The following SNTG2 variants were observed in gnomAD, a reference collection of about 807,000 sequenced individuals.
SNTG2 encodes syntrophin gamma 2, also known as gamma-2-syntrophin.
A neutral mutation model predicts 70.9 loss-of-function variants in SNTG2; 74 were observed. That is an observed-to-expected ratio of 1.04 (90% CI 0.86 to 1.27). SNTG2 has a LOEUF of 1.27. Ranked by LOEUF, SNTG2 falls within the 50% of genes most tolerant of loss-of-function variation. SNTG2 has a pLI of 0.00. For synonymous variants in SNTG2, 278 were observed against 273.8 expected, an observed-to-expected ratio of 1.02 and a Z score of -0.15; for missense variants, 717 against 690.7, an observed-to-expected ratio of 1.04 and a Z score of -0.43.
intron 9 of SNTG2, among the ~76,000 whole-genome samples, chr2:1,215,382 G>A (rs1674311204): frequency 6.6e-6 from 1 of 152,068 alleles, no homozygotes; most frequent in Admixed American, 6.5e-5. Flanking sequence ...TTTCTTTGAT[G>A]AAAGATTTAT....
At chr2:1,191,397 G>A (rs182792749) in intron 8 of SNTG2, among the ~76,000 whole-genome samples, 149 of 152,188 alleles carry the variant, frequency 9.8e-4, no homozygotes, top group Middle Eastern at 3.4e-3. Flanking sequence ...TATCAAAAAC[G>A]GGAGCCACCA....
chr2:1,138,556 T>G (rs1258643857), intron 6 of SNTG2, among the ~76,000 whole-genome samples: 3 of 150,476 alleles, frequency 2.0e-5, no homozygotes, highest in Non-Finnish European at 3.0e-5. Context: ...AGAGATGAGG[T>G]GGAGGGCGAA....
At chr2:1,011,724 A>G (rs1311637964) in intron 1 of SNTG2, among the ~76,000 whole-genome samples, 1 of 152,178 alleles carries the variant, frequency 6.6e-6, no homozygotes, top group East Asian at 1.9e-4. Context: ...AGGTCTGAAA[A>G]TCTGGTAGTA....
intron 8 of SNTG2, among the ~76,000 whole-genome samples, chr2:1,194,402 C>T (rs1672778932): frequency 6.6e-6 from 1 of 152,196 alleles, no homozygotes; most frequent in South Asian, 2.1e-4. Context: ...CATATATTTA[C>T]ACATTTAAAG....
chr2:1,169,830 C>T (rs1286439298), intron 7 of SNTG2, among the ~76,000 whole-genome samples: 1 of 152,182 alleles, frequency 6.6e-6, no homozygotes, highest in Non-Finnish European at 1.5e-5. Flanking sequence ...GTGCAGATCA[C>T]AGAGGCCAGG....
At chr2:1,006,160 G>T (rs1258328183) in intron 1 of SNTG2, among the ~76,000 whole-genome samples, 2 of 127,276 alleles carry the variant, frequency 1.6e-5, no homozygotes, top group Non-Finnish European at 3.2e-5. Flanking sequence ...ACACTCTGGG[G>T]ACTGTGGTGG....
chr2:1,283,770 G>T (rs1389274316), intron 14 of SNTG2, among the ~76,000 whole-genome samples: 2 of 152,184 alleles, frequency 1.3e-5, no homozygotes, highest in Non-Finnish European at 2.9e-5. Context: ...TCCTGCTCCT[G>T]CAGAAGCTCA....
chr2:1,197,373 AAAG>A lies in SNTG2; in HGVS notation c.592-11725_592-11723del, dbSNP rs201328827. On this transcript the variant is annotated intron_variant, in intron 8 of 16. Coordinates refer to ENST00000308624, the MANE Select transcript of SNTG2 (RefSeq NM_018968.4). Reference sequence around the variant, plus strand: ...TAAGTCAAAAACAAAAAAAAGACACAAAGAAGATCTTTATAAAATGATAAAAGG... The same window carrying A: ...TAAGTCAAAAACAAAAAAAAGACACAAAGATCTTTATAAAATGATAAAAGG... Among the ~76,000 whole-genome samples the A allele has an allele frequency of 8.4e-3, 1,276 of 151,062 alleles. 26 individuals are homozygous for A. The highest frequency in any genetic ancestry group is 0.029 in the African/African-American group (1,201 of 41,252).
At chr2:1,197,407 T>G (rs991432376) in intron 8 of SNTG2, among the ~76,000 whole-genome samples, 3 of 150,142 alleles carry the variant, frequency 2.0e-5, no homozygotes, top group African/African-American at 7.4e-5. Context: ...AAAGGATCAA[T>G]TCATCAAAAG....
intron 8 of SNTG2, among the ~76,000 whole-genome samples, chr2:1,201,671 A>T (rs539751708): frequency 6.0e-4 from 91 of 152,110 alleles, no homozygotes; most frequent in Non-Finnish European, 1.0e-3. Flanking sequence ...TGGATTTTTA[A>T]TACCTTGTTT....
intron 1 of SNTG2, among the ~76,000 whole-genome samples, chr2:1,026,373 G>C (rs1434861478): frequency 1.3e-5 from 2 of 152,140 alleles, no homozygotes; most frequent in Admixed American, 6.5e-5. Context: ...TGCAGTTTTT[G>C]GCATTAATTC....
intron 1 of SNTG2, among the ~76,000 whole-genome samples, chr2:963,412 T>C (rs1033101980): frequency 6.6e-6 from 1 of 152,184 alleles, no homozygotes; most frequent in African/African-American, 2.4e-5. Flanking sequence ...TTCTAAACAT[T>C]AGTTCTTCTG....
intron 9 of SNTG2, among the ~76,000 whole-genome samples, chr2:1,227,091 ATT>A (rs1335829271): frequency 1.3e-5 from 2 of 152,252 alleles, no homozygotes; most frequent in Non-Finnish European, 2.9e-5. Flanking sequence ...CCAACTGTGT[ATT>A]TTAAATCAGT....
At chr2:1,096,480 C>T (rs941343520) in intron 2 of SNTG2, among the ~76,000 whole-genome samples, 3 of 152,084 alleles carry the variant, frequency 2.0e-5, no homozygotes, top group African/African-American at 7.2e-5. Context: ...CCTGCACCTC[C>T]GCCCCCCAAC....
chr2:1,129,184 C>T (rs1369678783), intron 4 of SNTG2, among the ~76,000 whole-genome samples: 2 of 152,292 alleles, frequency 1.3e-5, no homozygotes, highest in Non-Finnish European at 1.5e-5. Flanking sequence ...TTTTCTAAGT[C>T]TTCTAACAAA....
chr2:1,197,661 A>G (rs1572703278), intron 8 of SNTG2, among the ~76,000 whole-genome samples: 1 of 151,646 alleles, frequency 6.6e-6, no homozygotes, highest in South Asian at 2.1e-4. Flanking sequence ...CCTCCTCCCA[A>G]GTATCTGGGA....
At chr2:1,144,756 A>G (rs1230464726) in intron 6 of SNTG2, among the ~76,000 whole-genome samples, 2 of 152,208 alleles carry the variant, frequency 1.3e-5, no homozygotes, top group East Asian at 3.9e-4. Flanking sequence ...GGAAACTGCC[A>G]CCATGATTCA....
At chr2:980,926 C>T (rs1661077554) in intron 1 of SNTG2, among the ~76,000 whole-genome samples, 1 of 152,152 alleles carries the variant, frequency 6.6e-6, no homozygotes, top group South Asian at 2.1e-4. Context: ...ATCATCATGA[C>T]AGCCCAATTA....
rs561536362 is a variant in SNTG2 at position 1,080,154 on chromosome 2, A to C, written c.73-3364A>C. 3.3e-5 allele frequency among the ~76,000 whole-genome samples: 5 copies of C among 149,482 alleles called. No homozygotes were observed. In the East Asian group the frequency reaches 9.7e-4, roughly 29 times the overall value. On this transcript the variant is annotated intron_variant, in intron 1 of 16. Transcript: ENST00000308624. ...GGGGGACAAGCGATGGCTTAGTGAA[A>C]GTCTGCAGCAAGAATGTGCTCAGAT...
Sources: gnomAD v4.1 joint callset for allele counts (sites outside exome capture counted in the v4.1 genomes callset) on GRCh38, gnomAD v4.1.1 for gene constraint, MANE v1.5 for transcripts, NCBI Gene and HGNC (gene_info 2026-07-23, HGNC 2026-07-21) for gene names.